RGPD2: variants seen among roughly 807,000 people sequenced by gnomAD.
RGPD2 encodes the protein RANBP2-like and GRIP domain-containing protein 2.
A neutral mutation model predicts 36.0 loss-of-function variants in RGPD2; 2 were observed. That is an observed-to-expected ratio of 0.06 (90% CI 0.02 to 0.17). RGPD2 has a LOEUF of 0.17. Among genes scored for constraint, RGPD2 ranks in the 10% least tolerant of loss-of-function variants. The pLI is 1.00. For missense variants in RGPD2, 40 were observed against 464.3 expected, an observed-to-expected ratio of 0.09 and a Z score of 8.40; for synonymous variants, 19 against 163.8, an observed-to-expected ratio of 0.12 and a Z score of 6.75.
chr2:87,974,829 C>T, the RGPD2 span, among the ~76,000 whole-genome samples: 2 of 152,178 alleles, frequency 1.3e-5, no homozygotes, highest in South Asian at 2.1e-4. Flanking sequence ...CAACCATTTT[C>T]ACCTAAACCA....
the RGPD2 span, among the ~76,000 whole-genome samples, chr2:87,858,148 C>CAG: frequency 6.6e-6 from 1 of 152,036 alleles, no homozygotes; most frequent in Non-Finnish European, 1.5e-5. Context: ...CATGGTGGTG[C>CAG]GTGCCTGTAA....
chr2:87,981,786 TA>T, the RGPD2 span, among the ~76,000 whole-genome samples: 1 of 121,900 alleles, frequency 8.2e-6, no homozygotes. Flanking sequence ...CTGAAAAACT[TA>T]CATATTTATC....
the RGPD2 span, among the ~76,000 whole-genome samples, chr2:87,970,407 T>C: frequency 2.0e-5 from 3 of 151,908 alleles, no homozygotes; most frequent in Non-Finnish European, 4.4e-5. Flanking sequence ...CAGTGGAAAG[T>C]GACCCTCAAT....
At chr2:87,769,729 C>T (rs1685068767) in intron 22 of RGPD2, among the ~76,000 whole-genome samples, 2 of 151,410 alleles carry the variant, frequency 1.3e-5, no homozygotes, top group African/African-American at 4.8e-5. Flanking sequence ...TCTTAAAGTC[C>T]TGGTTAATTT....
At chr2:87,945,028 G>A in the RGPD2 span, among the ~76,000 whole-genome samples, 7 of 151,016 alleles carry the variant, frequency 4.6e-5, no homozygotes, top group Non-Finnish European at 7.4e-5. Flanking sequence ...TTTATAGTTC[G>A]GTAGTGTTCA....
At chr2:87,929,487 A>ATGTGTG in the RGPD2 span, among the ~76,000 whole-genome samples, 2,754 of 136,996 alleles carry the variant, frequency 0.02, 47 homozygotes, top group Non-Finnish European at 0.026. Context: ...GTGTGTGTGT[A>ATGTGTG]TGTGTGTGTG....
chr2:87,837,336 CA>C, the RGPD2 span, among the ~76,000 whole-genome samples: 1 of 151,742 alleles, frequency 6.6e-6, no homozygotes, highest in Non-Finnish European at 1.5e-5. Flanking sequence ...CAATTCTCGA[CA>C]AATTCATAAA....
the RGPD2 span, among the ~76,000 whole-genome samples, chr2:87,930,634 A>G: frequency 6.6e-6 from 1 of 151,596 alleles, no homozygotes; most frequent in Non-Finnish European, 1.5e-5. Context: ...GTCTCAGCAG[A>G]AATGGCTCCA....
intron 1 of RGPD2, among the ~76,000 whole-genome samples, chr2:87,824,769 CCG>C (rs1421070660): frequency 2.9e-4 from 33 of 112,664 alleles, no homozygotes; most frequent in African/African-American, 5.9e-4. Flanking sequence ...CCGCCGCCGC[CCG>C]GCCAGGCCGA....
the RGPD2 span, among the ~76,000 whole-genome samples, chr2:87,963,031 T>TCAA: frequency 2.1e-5 from 3 of 140,484 alleles, no homozygotes; most frequent in Non-Finnish European, 3.1e-5. Flanking sequence ...GCACCAGAAT[T>TCAA]GCTTGAACGT....
At chr2:87,856,971 C>T in the RGPD2 span, among the ~76,000 whole-genome samples, 2 of 152,156 alleles carry the variant, frequency 1.3e-5, no homozygotes, top group Non-Finnish European at 2.9e-5. Flanking sequence ...TAGGACACTA[C>T]TCAAATTGTA....
chr2:87,877,859 T>C, the RGPD2 span, among the ~76,000 whole-genome samples: 1 of 146,490 alleles, frequency 6.8e-6, no homozygotes, highest in Non-Finnish European at 1.5e-5. Context: ...TGGCTCCTAA[T>C]CTCATTTGGC....
chr2:87,854,690 T>C, the RGPD2 span, among the ~76,000 whole-genome samples: 6 of 152,184 alleles, frequency 3.9e-5, no homozygotes, highest in Non-Finnish European at 8.8e-5. Flanking sequence ...GATTGTTCCA[T>C]ATTTTTTCAT....
the RGPD2 span, among the ~76,000 whole-genome samples, chr2:87,965,101 G>A: frequency 1.5e-5 from 2 of 137,020 alleles, no homozygotes; most frequent in South Asian, 5.1e-4. Context: ...CTTGGCCTTC[G>A]GCATTTACAT....
the RGPD2 span, among the ~76,000 whole-genome samples, chr2:87,894,612 C>G: frequency 6.6e-6 from 1 of 152,064 alleles, no homozygotes; most frequent in Non-Finnish European, 1.5e-5. Context: ...TGCGAGGAAA[C>G]AGCAATTAGC....
chr2:87,854,816 A>T, the RGPD2 span, among the ~76,000 whole-genome samples: 2 of 152,138 alleles, frequency 1.3e-5, no homozygotes, highest in Non-Finnish European at 2.9e-5. Context: ...TACAAATATA[A>T]ATAAAGCTGT....
At chr2:87,982,425 A>G in the RGPD2 span, among the ~76,000 whole-genome samples, 776 of 39,296 alleles carry the variant, frequency 0.02, no homozygotes, top group African/African-American at 0.043. Flanking sequence ...AACTGTTCCT[A>G]CAATGTACAG....
At chr2:87,948,054 G>A in the RGPD2 span, among the ~76,000 whole-genome samples, 7 of 152,170 alleles carry the variant, frequency 4.6e-5, no homozygotes, top group Admixed American at 2.0e-4. Flanking sequence ...ATTCTTTGGC[G>A]TGGCTAGGCA....
the RGPD2 span, among the ~76,000 whole-genome samples, chr2:87,842,303 A>G: frequency 6.8e-6 from 1 of 146,600 alleles, no homozygotes; most frequent in Admixed American, 6.6e-5. Flanking sequence ...CTGTATATCT[A>G]GAAAACCACA....
Sources: gnomAD v4.1 joint callset for allele counts (sites outside exome capture counted in the v4.1 genomes callset) on GRCh38, gnomAD v4.1.1 for gene constraint, MANE v1.5 for transcripts, NCBI Gene and HGNC (gene_info 2026-07-23, HGNC 2026-07-21) for gene names.